The following ATP2A3 variants were observed in gnomAD, a reference collection of about 807,000 sequenced individuals.
ATP2A3 encodes ATPase sarcoplasmic/endoplasmic reticulum Ca2+ transporting 3.
A neutral mutation model predicts 106.8 loss-of-function variants in ATP2A3; 61 were observed. That is an observed-to-expected ratio of 0.57 (90% CI 0.46 to 0.71). ATP2A3 has a LOEUF of 0.71. Among genes scored for constraint, ATP2A3 ranks in the 30% least tolerant of loss-of-function variants. The pLI is 0.00. For missense variants in ATP2A3, 1,201 were observed against 1,423.5 expected (o/e 0.84, Z 2.52); for synonymous variants, 611 against 609.3 (o/e 1.00, Z -0.04).
At position 3,955,934 on chromosome 17, in the gene ATP2A3, C is replaced by A. The variant is rs893008847; in HGVS notation, c.119-2224G>T. On this transcript the variant is annotated intron_variant, in intron 1 of 20. Coordinates refer to ENST00000397041, the MANE Select transcript of ATP2A3 (RefSeq NM_005173.4). The surrounding 1 kb of genome is among the most constrained non-coding windows in gnomAD (Gnocchi z 4.2). ...TCTTGCTCTCTCGCCCAGGCTGGAG[C>A]GCAGTGGCGGGATCTTGGCTTACTG... Among the ~76,000 whole-genome samples, 40 of 151,326 alleles carry A rather than the reference C, an allele frequency of 2.6e-4. No homozygotes were observed. Among genetic ancestry groups the A allele is most frequent in the Middle Eastern group, 3.4e-3 (1 of 294 alleles).
rs748253902 is a variant in ATP2A3 at position 3,942,655 on chromosome 17, G to A, written c.1496C>T (p.Thr499Met). 2.7e-5 allele frequency: 43 copies of A among 1,613,292 alleles called. No individual in the cohort carries two copies. The highest frequency in any genetic ancestry group is 1.1e-4 in the South Asian group (10 of 91,092). Residue 499 changes from threonine (T) to methionine (M), a missense_variant, in exon 12 of 21, where the codon ACG becomes ATG. By Grantham distance (81) the Thr-to-Met change is moderately conservative. Around this residue, in one of 2 missense-constraint regions of ATP2A3, gnomAD observed 935 missense variants for 1,176.7 expected, o/e 0.79. Coordinates refer to ENST00000397041, the MANE Select transcript of ATP2A3 (RefSeq NM_005173.4). ...RDRKSMSVYC[T>M]PTRPHPTGQG... ...GCCAGTAGGGTGAGGGCGGGTGGGC[G>A]TGCAGTACACGGACATGGATTTCCG...
intron 1 of ATP2A3, among the ~76,000 whole-genome samples, chr17:3,958,943 G>C (rs1270224963): frequency 6.7e-6 from 1 of 150,054 alleles, no homozygotes; most frequent in Non-Finnish European, 1.5e-5. Context: ...CCAGGCTGGA[G>C]TGCGGTGGTG....
At chr17:3,935,534 A>AATT (rs2053390694) in intron 16 of ATP2A3, among the ~76,000 whole-genome samples, 2 of 105,850 alleles carry the variant, frequency 1.9e-5, no homozygotes, top group African/African-American at 3.6e-5. Context: ...GCCTGTTGAG[A>AATT]CTTTTTTTTT....
chr17:3,945,248 A>C, intron 8 of ATP2A3, 100 bp from the exon 9 acceptor site: 1 of 1,167,210 alleles, frequency 8.6e-7, no homozygotes, highest in Non-Finnish European at 1.2e-6. Flanking sequence ...CCCCTGCCCG[A>C]CCGAGGGCCA....
At chr17:3,943,949 G>A (rs563700890) in intron 10 of ATP2A3, among the ~76,000 whole-genome samples, 2 of 152,224 alleles carry the variant, frequency 1.3e-5, no homozygotes, top group African/African-American at 4.8e-5. Flanking sequence ...CCACTCCGGC[G>A]ACAGCCCCAG....
chr17:3,938,579 T>C (rs2144413647), intron 14 of ATP2A3, among the ~76,000 whole-genome samples: 1 of 151,654 alleles, frequency 6.6e-6, no homozygotes, highest in South Asian at 2.1e-4. Flanking sequence ...AGAGTCTCAC[T>C]CTATCGCCCA....
Position 3,925,407 on chromosome 17 carries a change from C to T in ATP2A3, c.*15G>A, listed in dbSNP as rs1319318594. 1.9e-6 allele frequency: 3 copies of T among 1,613,806 alleles called. No individual in the cohort carries two copies. The highest frequency in any genetic ancestry group is 2.5e-6 in the Non-Finnish European group (3 of 1,179,946). On this transcript the variant is annotated 3_prime_UTR_variant, in exon 21 of 21. Transcript: ENST00000397041. The surrounding 1 kb of genome is among the most constrained non-coding windows in gnomAD (Gnocchi z 4.2). ...TCTGAGGTACACACCGGAGACTCCACTCTGTTCCCAGCGCTCACTTCTGGC... is the reference window on the plus strand; with the variant it reads ...TCTGAGGTACACACCGGAGACTCCATTCTGTTCCCAGCGCTCACTTCTGGC...
intron 14 of ATP2A3, among the ~76,000 whole-genome samples, chr17:3,940,654 T>A (rs1243452269): frequency 6.6e-6 from 1 of 152,044 alleles, no homozygotes; most frequent in Non-Finnish European, 1.5e-5. Flanking sequence ...GTTACAGGAA[T>A]GCACCACCAC....
chr17:3,939,786 TAAAAAAA>T (rs71381543), intron 14 of ATP2A3, among the ~76,000 whole-genome samples: 76 of 50,524 alleles, frequency 1.5e-3, no homozygotes, highest in Non-Finnish European at 2.1e-3. Context: ...AGACTCTGTC[TAAAAAAA>T]AAAAAAAAAA....
intron 1 of ATP2A3, among the ~76,000 whole-genome samples, chr17:3,961,919 G>A (rs1475005773): frequency 6.6e-6 from 1 of 152,286 alleles, no homozygotes; most frequent in East Asian, 1.9e-4. Context: ...AGGGTTCAAA[G>A]CCTCATCAGC....
At chr17:3,941,405 T>C in intron 13 of ATP2A3, 31 bp downstream of exon 13, 1 of 1,612,728 alleles carries the variant, frequency 6.2e-7, no homozygotes, top group Non-Finnish European at 8.5e-7. Context: ...ACCCACCTCG[T>C]ACTGCAGGGA....
chr17:3,957,293 G>T (rs1259981993), intron 1 of ATP2A3, among the ~76,000 whole-genome samples: 1 of 152,242 alleles, frequency 6.6e-6, no homozygotes, highest in East Asian at 1.9e-4. Context: ...GGGGGAGACA[G>T]GGAAGGGTTT....
intron 17 of ATP2A3, among the ~76,000 whole-genome samples, chr17:3,933,962 C>A (rs1313138375): frequency 6.6e-6 from 1 of 151,098 alleles, no homozygotes; most frequent in African/African-American, 2.5e-5. Flanking sequence ...CTTGCTCTGT[C>A]TCCCAGGCTC....
chr17:3,926,865 G>A lies in ATP2A3; in HGVS notation c.2981-1424C>T. The A allele has an allele frequency of 3.0e-6, 3 of 985,340 alleles. No homozygotes were observed. Among genetic ancestry groups the A allele is most frequent in the African/African-American group, 1.7e-5 (1 of 57,314 alleles). The allele number at this position is 985,340 out of a possible 1,614,324, so 61.0% of individuals were successfully genotyped here. The stretch of plus-strand genomic sequence containing the variant: ...ATGACAGGTGTGAGCCACTGCACCC[G>A]GCCCGTTAGTCTCACCCCCTCTTGC... On this transcript the variant is annotated intron_variant, in intron 20 of 20. Coordinates refer to ENST00000397041, the MANE Select transcript of ATP2A3 (RefSeq NM_005173.4). The surrounding 1 kb of genome is among the most constrained non-coding windows in gnomAD (Gnocchi z 4.6).
chr17:3,945,365 A>G (rs2054056213), intron 8 of ATP2A3: 1 of 488,536 alleles, frequency 2.0e-6, no homozygotes, highest in Admixed American at 3.7e-5. Flanking sequence ...GGTTTGTCCC[A>G]ATGTCCTGGA....
intron 1 of ATP2A3, among the ~76,000 whole-genome samples, chr17:3,956,171 C>T (rs563155636): frequency 5.3e-5 from 8 of 152,262 alleles, no homozygotes; most frequent in South Asian, 2.1e-4. Flanking sequence ...TGTGAGCCAC[C>T]GCGCCCGGCT....
At position 3,929,286 on chromosome 17, in the gene ATP2A3, A is replaced by C; in HGVS notation, c.2862+42T>G. On this transcript the variant is annotated intron_variant, in intron 19 of 20. Transcript: ENST00000397041. The surrounding 1 kb of genome is among the most constrained non-coding windows in gnomAD (Gnocchi z 4.3). ...TCCAGTGACCAGCCCAGGGCCTGTG[A>C]TGTCCAGGGACCAGGGCAGTGGGGC... 6.7e-7 allele frequency: 1 copy of C among 1,501,786 alleles called. No individual in the cohort carries two copies. Among genetic ancestry groups the C allele is most frequent in the Non-Finnish European group, 9.1e-7 (1 of 1,104,400 alleles). 93.0% of individuals were successfully genotyped at this position (1,501,786 alleles called of 1,614,324 possible). A position where few individuals can be genotyped will look rare whatever the true frequency, so the allele number is the denominator to read the frequency against.
intron 17 of ATP2A3, among the ~76,000 whole-genome samples, chr17:3,931,064 C>T (rs1430819471): frequency 2.0e-5 from 3 of 151,532 alleles, no homozygotes; most frequent in African/African-American, 4.9e-5. Flanking sequence ...CACTTGAACC[C>T]GGGGGTCAGA....
chr17:3,942,680 G>C lies in ATP2A3; in HGVS notation c.1471C>G (p.Arg491Gly). The C allele has an allele frequency of 1.2e-6, 2 of 1,613,656 alleles. No homozygotes were observed. The highest frequency in any genetic ancestry group is 1.7e-6 in the Non-Finnish European group (2 of 1,179,972). The change falls in exon 12 of 21, where the codon CGG becomes GGG. Residue 491 changes from arginine to glycine, a missense_variant. By Grantham distance (125) the Arg-to-Gly change is moderately radical. This residue lies in a region of ATP2A3 where 935 missense variants were observed against 1,176.7 expected (regional missense o/e 0.79). Coordinates refer to ENST00000397041, the MANE Select transcript of ATP2A3 (RefSeq NM_005173.4). ...KEFTLEFSRDRKSMSVYCTPT... is the reference protein window; with the variant it reads ...KEFTLEFSRDGKSMSVYCTPT... ...GTGCAGTACACGGACATGGATTTCC[G>C]GTCTCGGGAGAACTCCAGGGTGAAC...
Sources: allele counts gnomAD v4.1 joint callset (sites outside exome capture counted in the v4.1 genomes callset), GRCh38; gene constraint gnomAD v4.1.1; regional missense constraint gnomAD v4.1.1; non-coding constraint Gnocchi (gnomAD v3.1); transcripts MANE v1.5; gene names NCBI Gene and HGNC (gene_info 2026-07-23, HGNC 2026-07-21).